Variants in WDR20 observed in about 807,000 individuals in gnomAD.
The protein encoded by WDR20 is WD repeat-containing protein 20.
WDR20 carries 3 observed loss-of-function variants against 38.7 expected under a neutral mutation model. The ratio of observed to expected loss-of-function variants is 0.08; its 90% CI spans 0.04 to 0.20. The LOEUF is 0.20. WDR20 is among the 10% of genes least tolerant of loss of function. The pLI is 1.00. For synonymous variants in WDR20, 298 were observed against 285.6 expected (o/e 1.04, Z -0.44); for missense variants, 559 against 727.7 (o/e 0.77, Z 2.67).
Position 102,222,160 on chromosome 14 carries a change from T to C in WDR20, c.1693-670T>C, listed in dbSNP as rs2063968473. The stretch of plus-strand genomic sequence containing the variant: ...GCCAGATGCCCCCCACCATTCTTCC[T>C]GCTGGCCCTGGTGGGTTGGCCCCCA... On this transcript the variant is annotated intron_variant, in intron 3 of 3. Coordinates refer to the WDR20 transcript ENST00000335263. This position sits in a 1 kb window ranked among gnomAD's most constrained non-coding sequence, Gnocchi z 4.4. Among the ~76,000 whole-genome samples, 1 of 146,864 alleles carries C rather than the reference T, an allele frequency of 6.8e-6. No individual in the cohort carries two copies. The highest frequency in any genetic ancestry group is 1.5e-5 in the Non-Finnish European group (1 of 66,624).
chr14:102,191,550 GC>G (rs971022020), intron 1 of WDR20, among the ~76,000 whole-genome samples: 1 of 152,206 alleles, frequency 6.6e-6, no homozygotes, highest in African/African-American at 2.4e-5. Context: ...GGGTGACCTG[GC>G]CTTTCTCTAT....
In WDR20 at chr14:102,208,531, A is replaced by G. The variant is rs1294751425; in HGVS notation, c.433-72A>G. ...GCCCCTTCCCATCGAGAAGCACACAAGTTTTCTTGCTGGAAAAGTAGACCT... is the reference window on the plus strand; with the variant it reads ...GCCCCTTCCCATCGAGAAGCACACAGGTTTTCTTGCTGGAAAAGTAGACCT... On this transcript the variant is annotated intron_variant, in intron 2 of 2. Coordinates refer to ENST00000342702, the MANE Select transcript of WDR20 (RefSeq NM_144574.4). The surrounding 1 kb of genome is among the most constrained non-coding windows in gnomAD (Gnocchi z 5.6). The G allele has an allele frequency of 2.0e-6, 3 of 1,516,144 alleles. No individual in the cohort carries two copies. The highest frequency in any genetic ancestry group is 2.6e-6 in the Non-Finnish European group (3 of 1,134,438). The allele number at this position is 1,516,144 out of a possible 1,614,324, so 93.9% of individuals were successfully genotyped here. A position where few individuals can be genotyped will look rare whatever the true frequency, so the allele number is the denominator to read the frequency against.
At chr14:102,165,831 G>A (rs1051521754) in intron 1 of WDR20, among the ~76,000 whole-genome samples, 2 of 151,526 alleles carry the variant, frequency 1.3e-5, no homozygotes, top group African/African-American at 4.9e-5. Context: ...GTAGAGACAG[G>A]GTTTCATCAT....
At chr14:102,176,614 CTT>C (rs761196768) in intron 1 of WDR20, among the ~76,000 whole-genome samples, 6 of 145,902 alleles carry the variant, frequency 4.1e-5, no homozygotes, top group East Asian at 4.0e-4. Context: ...TTTTCTTTCC[CTT>C]TTTTTTTTTG....
rs376293169 is a variant in WDR20 at position 102,139,905 on chromosome 14, A to T, written c.-19A>T. 3.1e-6 allele frequency: 5 copies of T among 1,610,816 alleles called. No homozygotes were observed. The highest frequency in any genetic ancestry group is 4.2e-6 in the Non-Finnish European group (5 of 1,177,290). ...GCGTGATCCGGGCACTTAGGGCAGGATGAACGCTGCTTTCCAAGATGGCGA... is the reference window on the plus strand; with the variant it reads ...GCGTGATCCGGGCACTTAGGGCAGGTTGAACGCTGCTTTCCAAGATGGCGA... On this transcript the variant is annotated 5_prime_UTR_variant, in exon 1 of 3. The change abolishes an upstream ATG in the 5' untranslated region. Transcript: ENST00000342702.
chr14:102,161,307 T>G (rs2058702221), intron 1 of WDR20, among the ~76,000 whole-genome samples: 1 of 149,066 alleles, frequency 6.7e-6, no homozygotes, highest in African/African-American at 2.5e-5. Flanking sequence ...CCTAGCACCA[T>G]GCTCAGCTAT....
chr14:102,163,931 TC>T (rs993884281), intron 1 of WDR20, among the ~76,000 whole-genome samples: 9 of 152,146 alleles, frequency 5.9e-5, no homozygotes, highest in African/African-American at 2.2e-4. Flanking sequence ...ATTGCCTTTT[TC>T]CTCCCTTTAA....
At chr14:102,148,683 G>A (rs1028101070) in intron 1 of WDR20, among the ~76,000 whole-genome samples, 1 of 148,534 alleles carries the variant, frequency 6.7e-6, no homozygotes, top group Non-Finnish European at 1.5e-5. Flanking sequence ...GTGTGTGTGT[G>A]TGTGTGTGTG....
chr14:102,224,463 G>GTTTA (rs773659300), downstream of WDR20: 18 of 409,568 alleles, frequency 4.4e-5, no homozygotes, highest in Non-Finnish European at 3.9e-5. Context: ...GCAGAAGAAT[G>GTTTA]TTTATTTATT....
chr14:102,156,250 C>T (rs2057357153), intron 1 of WDR20, among the ~76,000 whole-genome samples: 1 of 151,450 alleles, frequency 6.6e-6, no homozygotes, highest in Admixed American at 6.6e-5. Flanking sequence ...TCACTGCAAG[C>T]TCCACCTCCC....
downstream of WDR20, chr14:102,212,447 G>T: frequency 6.6e-7 from 1 of 1,506,304 alleles, no homozygotes; most frequent in South Asian, 1.2e-5. Flanking sequence ...AGCCCAGGCT[G>T]GCCCAGGCCC....
At chr14:102,216,128 G>A (rs536294466), downstream of WDR20, among the ~76,000 whole-genome samples, 9 of 152,302 alleles carry the variant, frequency 5.9e-5, no homozygotes, top group East Asian at 1.5e-3. Flanking sequence ...AGCTTCCCAC[G>A]GTGCTGTCTC....
chr14:102,217,213 G>C (rs1381876326), downstream of WDR20, among the ~76,000 whole-genome samples: 1 of 152,116 alleles, frequency 6.6e-6, no homozygotes, highest in Non-Finnish European at 1.5e-5. Context: ...GGGCCAAGTG[G>C]GTCCCAGGAG....
downstream of WDR20, among the ~76,000 whole-genome samples, chr14:102,211,321 C>G (rs893179756): frequency 2.0e-5 from 3 of 152,172 alleles, no homozygotes; most frequent in African/African-American, 7.2e-5. This position sits in a 1 kb window ranked among gnomAD's most constrained non-coding sequence, Gnocchi z 4.2. Context: ...GCTTTTCTTT[C>G]TCTGCAGTGT....
At chr14:102,175,709 A>T (rs112110359) in intron 1 of WDR20, among the ~76,000 whole-genome samples, 1,926 of 152,242 alleles carry the variant, frequency 0.013, 19 homozygotes, top group Non-Finnish European at 0.018. Flanking sequence ...CATTTGTGTC[A>T]TCTGTGATTT....
chr14:102,176,228 A>G (rs1344600796), intron 1 of WDR20, among the ~76,000 whole-genome samples: 1 of 151,706 alleles, frequency 6.6e-6, no homozygotes, highest in Non-Finnish European at 1.5e-5. Context: ...CCCCATCTCT[A>G]CTAAAAATAC....
downstream of WDR20, among the ~76,000 whole-genome samples, chr14:102,219,961 A>T (rs2063701515): frequency 6.6e-6 from 1 of 152,246 alleles, no homozygotes; most frequent in Admixed American, 6.5e-5. Flanking sequence ...CCTAGCTGCC[A>T]CCACAATTGG....
At position 102,177,166 on chromosome 14, in the gene WDR20, C is replaced by T. The variant is rs192059690; in HGVS notation, c.250-17772C>T. Among the ~76,000 whole-genome samples, 10 of 152,334 alleles carry T rather than the reference C, an allele frequency of 6.6e-5. No individual in the cohort carries two copies. In the East Asian group the frequency reaches 1.9e-3, roughly 29 times the overall value. On this transcript the variant is annotated intron_variant, in intron 1 of 2. Transcript: ENST00000342702. The stretch of plus-strand genomic sequence containing the variant: ...TCAAAATCTCTCTATCATCATTTCT[C>T]CTGATGAGATTCTCCCATTCAGATA...
chr14:102,218,699 C>T (rs2063519712), downstream of WDR20, among the ~76,000 whole-genome samples: 1 of 152,030 alleles, frequency 6.6e-6, no homozygotes, highest in African/African-American at 2.4e-5. Flanking sequence ...AACAGTGACT[C>T]TGCGGGGAGC....
Sources: allele counts gnomAD v4.1 joint callset (sites outside exome capture counted in the v4.1 genomes callset), GRCh38; gene constraint gnomAD v4.1.1; non-coding constraint Gnocchi (gnomAD v3.1); transcripts MANE v1.5; gene names NCBI Gene and HGNC (gene_info 2026-07-23, HGNC 2026-07-21).